Variants in CFAP43 observed in about 807,000 individuals in gnomAD.
CFAP43 encodes cilia- and flagella-associated protein 43.
CFAP43 carries 155 observed loss-of-function variants against 218.9 expected under a neutral mutation model. The observed-to-expected ratio is 0.71, with a 90% confidence interval of 0.62 to 0.81. The LOEUF is 0.81. Ranked by LOEUF, CFAP43 falls within the 30% of genes least tolerant of loss-of-function variation. The pLI is 0.00. For missense variants in CFAP43, 1,778 were observed against 1,954.3 expected, an observed-to-expected ratio of 0.91 and a Z score of 1.70; for synonymous variants, 645 against 681.3, an observed-to-expected ratio of 0.95 and a Z score of 0.83.
rs991744279 is a variant in CFAP43, at chr10:104,210,399, C to T, written c.735+1608G>A. 5.3e-5 allele frequency among the ~76,000 whole-genome samples: 8 copies of T among 152,234 alleles called. No individual in the cohort carries two copies. The East Asian group carries it at 9.6e-4, about 18-fold the overall frequency. On this transcript the variant is annotated intron_variant, in intron 5 of 37. Coordinates refer to ENST00000357060, the MANE Select transcript of CFAP43 (RefSeq NM_025145.7). The stretch of plus-strand genomic sequence containing the variant: ...TAGTTTAGTTTTTGAGACGGAGTCT[C>T]GCTGTCACCCAGGCTGGAGTGCAAT...
intron 12 of CFAP43, 47 bp from the exon 13 acceptor site, chr10:104,188,457 T>G (rs369266551): frequency 1.3e-6 from 2 of 1,593,434 alleles, no homozygotes; most frequent in African/African-American, 2.7e-5. Context: ...TTGATAAGTT[T>G]AAATGATCTT....
At chr10:104,187,024 A>G (rs1411750736) in intron 14 of CFAP43, among the ~76,000 whole-genome samples, 2 of 152,230 alleles carry the variant, frequency 1.3e-5, no homozygotes, top group Non-Finnish European at 2.9e-5. Context: ...CATATGTAGA[A>G]TAGATTTCCT....
At chr10:104,158,373 G>A (rs1158240611) in intron 27 of CFAP43, among the ~76,000 whole-genome samples, 1 of 152,120 alleles carries the variant, frequency 6.6e-6, no homozygotes, top group Non-Finnish European at 1.5e-5. Flanking sequence ...CCAACAGTGG[G>A]ACTGACTGAA....
chr10:104,130,088 A>G lies in CFAP43; in HGVS notation c.*51T>C, dbSNP rs1226054886. ...AAAAGGAAATCATTTTACCCAAATG[A>G]AATGATTTTTTAAATGATTGATTTG... On this transcript the variant is annotated 3_prime_UTR_variant, in exon 38 of 38. Coordinates refer to ENST00000357060, the MANE Select transcript of CFAP43 (RefSeq NM_025145.7). 1.3e-6 allele frequency: 2 copies of G among 1,527,634 alleles called. No individual in the cohort carries two copies. The highest frequency in any genetic ancestry group is 1.3e-5 in the South Asian group (1 of 76,852). 94.6% of individuals were successfully genotyped at this position (1,527,634 alleles called of 1,614,324 possible).
intron 3 of CFAP43, among the ~76,000 whole-genome samples, chr10:104,217,255 G>A (rs1263618960): frequency 6.6e-5 from 10 of 152,272 alleles, no homozygotes; most frequent in Middle Eastern, 3.4e-3. Flanking sequence ...GCTTATGGCC[G>A]AGCCAGTCAA....
chr10:104,220,058 T>A (rs375737185), intron 3 of CFAP43, among the ~76,000 whole-genome samples: 190 of 152,230 alleles, frequency 1.2e-3, no homozygotes, highest in Middle Eastern at 3.4e-3. Flanking sequence ...TGGGCCCTAA[T>A]CCAATAAGTC....
intron 33 of CFAP43, among the ~76,000 whole-genome samples, chr10:104,141,642 T>C (rs1288481212): frequency 3.3e-5 from 5 of 152,152 alleles, no homozygotes; most frequent in Non-Finnish European, 5.9e-5. Context: ...AAAATAACTC[T>C]ATTAAAATTC....
chr10:104,132,224 G>A (rs1248299522), intron 35 of CFAP43, 28 bp from the exon 36 acceptor site: 2 of 1,476,622 alleles, frequency 1.4e-6, no homozygotes, highest in Non-Finnish European at 1.9e-6. Context: ...AACATGTAAG[G>A]ATATTTTTCT....
At chr10:104,150,001 G>A (rs569853855) in intron 28 of CFAP43, among the ~76,000 whole-genome samples, 7 of 152,176 alleles carry the variant, frequency 4.6e-5, no homozygotes, top group South Asian at 4.1e-4. Flanking sequence ...TAAATTTGCC[G>A]TTTTAGAAAC....
chr10:104,174,463 CG>C (rs1316712875), intron 19 of CFAP43, among the ~76,000 whole-genome samples: 1 of 152,126 alleles, frequency 6.6e-6, no homozygotes, highest in Non-Finnish European at 1.5e-5. Context: ...AAGAAAGACC[CG>C]CCCCCATGAT....
At chr10:104,182,553 C>A (rs2089887204) in intron 16 of CFAP43, 40 bp from the exon 17 acceptor site, 1 of 1,519,036 alleles carries the variant, frequency 6.6e-7, no homozygotes, top group Non-Finnish European at 8.8e-7. Flanking sequence ...CTATAAAAAT[C>A]ATAATTTAAA....
In CFAP43 at chr10:104,145,483, G is replaced by A. The variant is rs2087918488; in HGVS notation, c.3937C>T (p.Arg1313Ter). Residue 1313 changes from arginine (R) to a stop codon, truncating the protein, a stop_gained, in exon 31 of 38, where the codon CGA (arginine) becomes TGA (stop). Transcript: ENST00000357060. LOFTEE classifies it high-confidence loss of function. The stretch of plus-strand genomic sequence containing the variant: ...AGTGAAGGAGAAACAAACCTTGGTC[G>A]GCGTTTAAAAAGTTTGTAGAGTATA... Reference protein sequence around the residue: ...VDILYKLFKRRPRISKQKTHS... With the variant: ...VDILYKLFKR The A allele has an allele frequency of 4.4e-6, 7 of 1,588,722 alleles. No homozygotes were observed. In the South Asian group the frequency reaches 4.5e-5, roughly 10 times the overall value.
intron 19 of CFAP43, among the ~76,000 whole-genome samples, chr10:104,176,064 T>G (rs1191737145): frequency 3.3e-5 from 5 of 152,060 alleles, no homozygotes; most frequent in Non-Finnish European, 7.4e-5. Flanking sequence ...AAAGGCCAAT[T>G]TTTTTTAAAG....
At chr10:104,230,938 T>C (rs753052065) in intron 1 of CFAP43, 95 bp from the exon 2 acceptor site, 2 of 1,348,220 alleles carry the variant, frequency 1.5e-6, no homozygotes, top group Non-Finnish European at 2.0e-6. Context: ...TTGAAACATT[T>C]CTATTTTCAT....
chr10:104,210,883 C>T (rs7897211), intron 5 of CFAP43, among the ~76,000 whole-genome samples: 2,707 of 149,926 alleles, frequency 0.018, 102 homozygotes, highest in African/African-American at 0.064. Flanking sequence ...TTCTGCCTCC[C>T]GGGTTCTCAC....
intron 16 of CFAP43, among the ~76,000 whole-genome samples, chr10:104,183,604 T>C (rs1030501521): frequency 2.6e-5 from 4 of 152,066 alleles, no homozygotes; most frequent in Admixed American, 1.3e-4. Context: ...TTAGCCAGGA[T>C]GGTCTCGATC....
At chr10:104,220,946 G>A (rs1171486094) in intron 3 of CFAP43, among the ~76,000 whole-genome samples, 1 of 142,052 alleles carries the variant, frequency 7.0e-6, no homozygotes, top group South Asian at 2.4e-4. Context: ...CTATATGAGT[G>A]AGCGTGTGTG....
chr10:104,149,559 A>G (rs1435196364), intron 28 of CFAP43, among the ~76,000 whole-genome samples: 4 of 152,216 alleles, frequency 2.6e-5, no homozygotes, highest in African/African-American at 9.7e-5. Flanking sequence ...TCTCTTTTTA[A>G]AATATCATAA....
intron 34 of CFAP43, among the ~76,000 whole-genome samples, chr10:104,135,114 T>G (rs1245168187): frequency 1.3e-5 from 2 of 151,584 alleles, no homozygotes; most frequent in Admixed American, 6.6e-5. Flanking sequence ...CAGAACAAAT[T>G]TAAAAACTCA....
Sources: gnomAD v4.1 joint callset for allele counts (sites outside exome capture counted in the v4.1 genomes callset) on GRCh38, gnomAD v4.1.1 for gene constraint, MANE v1.5 for transcripts, NCBI Gene and HGNC (gene_info 2026-07-23, HGNC 2026-07-21) for gene names.